PARD3B: variants seen among roughly 807,000 people sequenced by gnomAD.
PARD3B encodes par-3 family cell polarity regulator beta.
Under a neutral mutation model 130.2 loss-of-function variants are expected in PARD3B, and 103 were observed. That is an observed-to-expected ratio of 0.79 (90% CI 0.67 to 0.93). The LOEUF is 0.93. Ranked by LOEUF, PARD3B falls within the 40% of genes least tolerant of loss-of-function variation. PARD3B has a pLI of 0.00. For synonymous variants in PARD3B, 583 were observed against 553.2 expected, an observed-to-expected ratio of 1.05 and a Z score of -0.76; for missense variants, 1,609 against 1,499.2, an observed-to-expected ratio of 1.07 and a Z score of -1.21.
intron 2 of PARD3B, among the ~76,000 whole-genome samples, chr2:204,712,705 G>A (rs1484787637): frequency 6.7e-6 from 1 of 150,034 alleles, no homozygotes; most frequent in African/African-American, 2.4e-5. Flanking sequence ...TAACTAATAT[G>A]ATTGATAGAT....
intron 3 of PARD3B, among the ~76,000 whole-genome samples, chr2:204,982,427 A>G (rs2063407): frequency 0.25 from 37,785 of 152,032 alleles, 5,060 homozygotes; most frequent in Admixed American, 0.41. Flanking sequence ...GCACAGCTGC[A>G]AAGTCTCCCC....
chr2:205,524,831 CCCT>C (rs1575251658), intron 21 of PARD3B, among the ~76,000 whole-genome samples: 1 of 152,292 alleles, frequency 6.6e-6, no homozygotes, highest in South Asian at 2.1e-4. Context: ...TGGCACCATG[CCCT>C]CCTTTCCGCC....
intron 1 of PARD3B, among the ~76,000 whole-genome samples, chr2:204,644,876 A>G (rs997424209): frequency 6.6e-6 from 1 of 152,204 alleles, no homozygotes; most frequent in Non-Finnish European, 1.5e-5. Context: ...GAGAATAAAC[A>G]TAAATGGCAA....
In PARD3B at chr2:205,265,692, A is replaced by G. The variant is rs565433019; in HGVS notation, c.2185+19870A>G. 3.9e-5 allele frequency among the ~76,000 whole-genome samples: 6 copies of G among 152,166 alleles called. No homozygotes were observed. The South Asian group carries it at 1.2e-3, about 32-fold the overall frequency. On this transcript the variant is annotated intron_variant, in intron 16 of 22. Coordinates refer to ENST00000406610, the MANE Select transcript of PARD3B (RefSeq NM_001302769.2). The surrounding 1 kb of genome is among the most constrained non-coding windows in gnomAD (Gnocchi z 4.3). ...ACATTAGTAACAAGAGAGATATCTT[A>G]ATTTTTAAATTAATATTCAGTGCTC...
At chr2:205,468,854 G>T (rs1392646135) in intron 20 of PARD3B, among the ~76,000 whole-genome samples, 2 of 152,102 alleles carry the variant, frequency 1.3e-5, no homozygotes, top group Non-Finnish European at 2.9e-5. Context: ...TGTCTATATG[G>T]CTCTCTTCTT....
At position 204,969,555 on chromosome 2, in the gene PARD3B, G is replaced by A. The variant is rs189711459; in HGVS notation, c.394+4232G>A. On this transcript the variant is annotated intron_variant, in intron 3 of 22. Coordinates refer to ENST00000406610, the MANE Select transcript of PARD3B (RefSeq NM_001302769.2). The stretch of plus-strand genomic sequence containing the variant: ...ATAATTAGCAATTGTGTAGGTAATC[G>A]ATATTATTTTACAAATGAGCAAATA... Among the ~76,000 whole-genome samples, 96 of 152,254 alleles carry A rather than the reference G, an allele frequency of 6.3e-4. 1 individual carries two copies. The highest frequency in any genetic ancestry group is 3.5e-3 in the Admixed American group (53 of 15,298).
chr2:204,564,668 T>C (rs1383171551), intron 1 of PARD3B, among the ~76,000 whole-genome samples: 1 of 151,600 alleles, frequency 6.6e-6, no homozygotes, highest in African/African-American at 2.4e-5. Flanking sequence ...CTATATACCA[T>C]TTTTTTGCAA....
At chr2:204,755,374 G>A (rs1457225771) in intron 2 of PARD3B, among the ~76,000 whole-genome samples, 1 of 152,098 alleles carries the variant, frequency 6.6e-6, no homozygotes, top group African/African-American at 2.4e-5. Flanking sequence ...AAAGGCAGAA[G>A]TTAAAACCCT....
In PARD3B at chr2:205,309,584, A is replaced by T. The variant is rs188403106; in HGVS notation, c.2630+7883A>T. Among the ~76,000 whole-genome samples the T allele has an allele frequency of 3.9e-5, 6 of 152,264 alleles. No homozygotes were observed. The highest frequency in any genetic ancestry group is 8.8e-5 in the Non-Finnish European group (6 of 68,012). ...AAGAACACTCCTACACACACATCAC[A>T]CCTACCACTACCACCACAAACAACA... On this transcript the variant is annotated intron_variant, in intron 18 of 22. Transcript: ENST00000406610. The surrounding 1 kb of genome is among the most constrained non-coding windows in gnomAD (Gnocchi z 4.7).
intron 2 of PARD3B, among the ~76,000 whole-genome samples, chr2:204,738,764 C>G (rs1007326725): frequency 1.3e-5 from 2 of 152,190 alleles, no homozygotes; most frequent in African/African-American, 4.8e-5. Flanking sequence ...TTCTCTCTTG[C>G]ATTTCCCTTT....
At chr2:204,572,010 A>G (rs2032032229) in intron 1 of PARD3B, among the ~76,000 whole-genome samples, 1 of 152,188 alleles carries the variant, frequency 6.6e-6, no homozygotes, top group South Asian at 2.1e-4. Flanking sequence ...CTATACTGAA[A>G]GGAAATATCA....
chr2:204,667,812 C>T (rs553278975), intron 1 of PARD3B, among the ~76,000 whole-genome samples: 1 of 152,258 alleles, frequency 6.6e-6, no homozygotes, highest in South Asian at 2.1e-4. Flanking sequence ...CATGTAGTCA[C>T]ACTAAATAAC....
intron 3 of PARD3B, among the ~76,000 whole-genome samples, chr2:205,034,857 TG>T (rs1462073782): frequency 6.6e-6 from 1 of 152,080 alleles, no homozygotes; most frequent in Middle Eastern, 3.2e-3. Context: ...GTTCTTTTTT[TG>T]TTGTTGTTTG....
At chr2:204,832,532 G>A (rs756689545) in intron 2 of PARD3B, among the ~76,000 whole-genome samples, 7 of 152,162 alleles carry the variant, frequency 4.6e-5, no homozygotes, top group Non-Finnish European at 1.0e-4. Context: ...AGAACAGCTG[G>A]ATAAAGCAAA....
chr2:205,568,132 G>A lies in PARD3B; in HGVS notation c.3260+14729G>A, dbSNP rs1214384710. On this transcript the variant is annotated intron_variant, in intron 22 of 22. Coordinates refer to ENST00000406610, the MANE Select transcript of PARD3B (RefSeq NM_001302769.2). The surrounding 1 kb of genome is among the most constrained non-coding windows in gnomAD (Gnocchi z 5.3). ...GACCGTAGTGGACAGAAGTGCTGCA[G>A]TGATGGGGGTGTGGGGGCAGTCTGC... 2.0e-5 allele frequency among the ~76,000 whole-genome samples: 3 copies of A among 152,238 alleles called. No individual in the cohort carries two copies.
intron 10 of PARD3B, among the ~76,000 whole-genome samples, chr2:205,140,058 T>C (rs1170009932): frequency 6.6e-6 from 1 of 152,184 alleles, no homozygotes; most frequent in Non-Finnish European, 1.5e-5. Flanking sequence ...TCAATAGCTC[T>C]CAAGGGAGTT....
At chr2:205,455,824 G>A (rs1319907952) in intron 20 of PARD3B, among the ~76,000 whole-genome samples, 2 of 151,996 alleles carry the variant, frequency 1.3e-5, no homozygotes, top group African/African-American at 4.8e-5. Flanking sequence ...TACAATGCAT[G>A]TGCATAGTTC....
chr2:205,546,055 C>CTG (rs1425263333), intron 21 of PARD3B, among the ~76,000 whole-genome samples: 1 of 152,158 alleles, frequency 6.6e-6, no homozygotes, highest in African/African-American at 2.4e-5. Context: ...ACACCCCAGC[C>CTG]GGCAGCAGGC....
chr2:204,590,303 C>A (rs2033019597), intron 1 of PARD3B, among the ~76,000 whole-genome samples: 1 of 152,144 alleles, frequency 6.6e-6, no homozygotes, highest in Admixed American at 6.6e-5. Context: ...ATTACCTTCC[C>A]AACGCCCTGC....
Sources: allele counts gnomAD v4.1 joint callset (sites outside exome capture counted in the v4.1 genomes callset), GRCh38; gene constraint gnomAD v4.1.1; non-coding constraint Gnocchi (gnomAD v3.1); transcripts MANE v1.5; gene names NCBI Gene and HGNC (gene_info 2026-07-23, HGNC 2026-07-21).